CRISPLD2: variants seen among roughly 807,000 people sequenced by gnomAD.
CRISPLD2 encodes the protein cysteine rich secretory protein LCCL domain containing 2.
CRISPLD2 carries 47 observed loss-of-function variants against 71.1 expected under a neutral mutation model. That is an observed-to-expected ratio of 0.66 (90% CI 0.52 to 0.84). The LOEUF (loss-of-function observed/expected upper bound fraction) is 0.84, where lower values mean the gene tolerates loss of function less well. Among genes scored for constraint, CRISPLD2 ranks in the 40% least tolerant of loss-of-function variants. CRISPLD2 has a pLI of 0.00. For missense variants in CRISPLD2, 830 were observed against 651.1 expected (o/e 1.27, Z -2.99); for synonymous variants, 317 against 250.1 (o/e 1.27, Z -2.52).
chr16:84,855,420 A>AG (rs2143233374), intron 6 of CRISPLD2, among the ~76,000 whole-genome samples: 1 of 152,332 alleles, frequency 6.6e-6, no homozygotes, highest in East Asian at 1.9e-4. Flanking sequence ...CCGATGTTTG[A>AG]GGGCAGGAAG....
chr16:84,863,957 CAAAAAAAA>C (rs781013604), intron 6 of CRISPLD2, among the ~76,000 whole-genome samples: 1 of 80,830 alleles, frequency 1.2e-5, no homozygotes, highest in Non-Finnish European at 2.6e-5. Flanking sequence ...AACTTCCTCT[CAAAAAAAA>C]AAAAAAAAAA....
chr16:84,883,601 C>T (rs1169058250), intron 13 of CRISPLD2, among the ~76,000 whole-genome samples: 2 of 152,238 alleles, frequency 1.3e-5, no homozygotes, highest in Non-Finnish European at 2.9e-5. Context: ...AGGCCTCACC[C>T]TCAGCATTCA....
In CRISPLD2 at chr16:84,880,488, TA is replaced by T; in HGVS notation, c.1230-18del. The T allele has an allele frequency of 6.2e-7, 1 of 1,606,858 alleles. No individual in the cohort carries two copies. The highest frequency in any genetic ancestry group is 8.5e-7 in the Non-Finnish European group (1 of 1,175,064). ...GTTTTCTGTGCTCAGACCCATCACATAAATGCTTCCTGTTTTTCAGAATCCA... is the reference window on the plus strand; with the variant it reads ...GTTTTCTGTGCTCAGACCCATCACATAATGCTTCCTGTTTTTCAGAATCCA... On this transcript the variant is annotated intron_variant, in intron 12 of 14. Coordinates refer to ENST00000262424, the MANE Select transcript of CRISPLD2 (RefSeq NM_031476.4).
In CRISPLD2 at chr16:84,904,620, A is replaced by T. The variant is rs565238721; in HGVS notation, c.1440-1968A>T. Among the ~76,000 whole-genome samples the T allele has an allele frequency of 2.4e-3, 332 of 135,648 alleles. 1 individual carries two copies. The highest frequency in any genetic ancestry group is 3.9e-3 in the Non-Finnish European group (233 of 59,120). The allele number at this position is 135,648 out of a possible 152,430, so 89.0% of individuals were successfully genotyped here. A position where few individuals can be genotyped will look rare whatever the true frequency, so the allele number is the denominator to read the frequency against. The stretch of plus-strand genomic sequence containing the variant: ...AAAAAAAAAATTTAAAAAAAAAATT[A>T]AAAAAAAAAATGATTGGAAGTCCAT... On this transcript the variant is annotated intron_variant, in intron 14 of 14. Coordinates refer to ENST00000262424, the MANE Select transcript of CRISPLD2 (RefSeq NM_031476.4).
chr16:84,893,945 A>T (rs1248195972), intron 14 of CRISPLD2, among the ~76,000 whole-genome samples: 1 of 152,232 alleles, frequency 6.6e-6, no homozygotes. Flanking sequence ...GGAGACGTAG[A>T]TGTTGTATAT....
At chr16:84,887,740 G>C (rs142835367) in intron 13 of CRISPLD2, among the ~76,000 whole-genome samples, 1,576 of 152,298 alleles carry the variant, frequency 0.01, 12 homozygotes, top group Middle Eastern at 0.02. Context: ...GCCAGACGTG[G>C]TGGTGCGTGC....
At chr16:84,883,497 C>T (rs2071585835) in intron 13 of CRISPLD2, among the ~76,000 whole-genome samples, 1 of 152,208 alleles carries the variant, frequency 6.6e-6, no homozygotes. Context: ...GTCTTCTGTC[C>T]TCCCCATCCC....
chr16:84,866,900 A>G lies in CRISPLD2; in HGVS notation c.713A>G (p.Glu238Gly). The G allele has an allele frequency of 6.2e-7, 1 of 1,613,646 alleles. No individual in the cohort carries two copies. The highest frequency in any genetic ancestry group is 8.5e-7 in the Non-Finnish European group (1 of 1,179,684). The change falls in exon 7 of 15, where the codon GAA becomes GGA. Residue 238 changes from glutamate to glycine, a missense_variant. Coordinates refer to ENST00000262424, the MANE Select transcript of CRISPLD2 (RefSeq NM_031476.4). ...TTCCTCCCTCTCCAATGTTAAGAAG[A>G]AACCTACACTCCAAAACCTGAAACG... is the stretch of plus-strand genomic sequence containing the variant. Reference protein sequence around the residue: ...SCRNNLCYREETYTPKPETDE... With the variant: ...SCRNNLCYREGTYTPKPETDE...
rs994208426 is a variant in CRISPLD2 at position 84,851,623 on chromosome 16, G to A, written c.608+940G>A. On this transcript the variant is annotated intron_variant, in intron 5 of 14. Coordinates refer to ENST00000262424, the MANE Select transcript of CRISPLD2 (RefSeq NM_031476.4). ...TCTGGTGTGCCTGCGGTGGCGTGGCGCGGCTCAGCAGCCCACATGGATGAG... is the reference window on the plus strand; with the variant it reads ...TCTGGTGTGCCTGCGGTGGCGTGGCACGGCTCAGCAGCCCACATGGATGAG... 7.2e-5 allele frequency among the ~76,000 whole-genome samples: 11 copies of A among 152,202 alleles called. No individual in the cohort carries two copies. In the East Asian group the frequency reaches 1.7e-3, roughly 24 times the overall value.
At chr16:84,888,376 A>G (rs1440233634) in intron 13 of CRISPLD2, among the ~76,000 whole-genome samples, 4 of 152,190 alleles carry the variant, frequency 2.6e-5, no homozygotes, top group Non-Finnish European at 5.9e-5. Context: ...CCTACAAATA[A>G]TTTTTAAAAA....
chr16:84,849,454 G>T lies in CRISPLD2; in HGVS notation c.429G>T (p.Pro143=). The T allele has an allele frequency of 6.2e-7, 1 of 1,614,152 alleles. No homozygotes were observed. The highest frequency in any genetic ancestry group is 1.7e-5 in the Admixed American group (1 of 60,024). The change falls in exon 4 of 15, where the codon CCG becomes CCT. Residue 143 remains proline, a synonymous_variant. Transcript: ENST00000262424. The part of the protein sequence containing the change: ...DEVKDYTYPY[P]SECNPWCPER... The stretch of plus-strand genomic sequence containing the variant: ...TGAAGGACTACACCTACCCCTACCC[G>T]AGCGAGTGCAACCCCTGGTGTCCAG...
chr16:84,886,819 C>CA (rs1438243846), intron 13 of CRISPLD2, among the ~76,000 whole-genome samples: 5 of 152,118 alleles, frequency 3.3e-5, no homozygotes, highest in South Asian at 2.1e-4. Flanking sequence ...TGTCCCCCGA[C>CA]AAAAAAATAC....
At chr16:84,842,476 C>A (rs1175247277) in intron 2 of CRISPLD2, among the ~76,000 whole-genome samples, 1 of 150,932 alleles carries the variant, frequency 6.6e-6, no homozygotes, top group South Asian at 2.1e-4. Flanking sequence ...CCGGTTCAAG[C>A]GACTCTCCTG....
intron 1 of CRISPLD2, among the ~76,000 whole-genome samples, chr16:84,826,810 G>A (rs1321328371): frequency 6.6e-6 from 1 of 151,802 alleles, no homozygotes; most frequent in East Asian, 1.9e-4. Context: ...CTGACACATC[G>A]CAGTTCACTT....
At chr16:84,851,094 C>A (rs546317032) in intron 5 of CRISPLD2, among the ~76,000 whole-genome samples, 1 of 152,228 alleles carries the variant, frequency 6.6e-6, no homozygotes, top group Admixed American at 6.5e-5. Context: ...CTGGGACCAA[C>A]TGAACAAAGT....
intron 13 of CRISPLD2, among the ~76,000 whole-genome samples, chr16:84,882,347 C>CAAAAAAAAAA (rs80146835): frequency 4.8e-4 from 37 of 77,450 alleles, no homozygotes; most frequent in Non-Finnish European, 5.9e-4. Flanking sequence ...ACCAATAAAG[C>CAAAAAAAAAA]AAAAAAAAAA....
intron 6 of CRISPLD2, among the ~76,000 whole-genome samples, chr16:84,857,362 A>G (rs1371528823): frequency 1.3e-5 from 2 of 152,200 alleles, no homozygotes; most frequent in Admixed American, 6.5e-5. Context: ...GAGCATTGAC[A>G]TGGGATACAA....
chr16:84,882,946 C>G (rs564040114), intron 13 of CRISPLD2, among the ~76,000 whole-genome samples: 1 of 152,148 alleles, frequency 6.6e-6, no homozygotes, highest in African/African-American at 2.4e-5. Context: ...CATAGCTACA[C>G]TGATATGAAC....
intron 13 of CRISPLD2, among the ~76,000 whole-genome samples, chr16:84,881,311 T>A (rs2071566769): frequency 6.6e-6 from 1 of 152,258 alleles, no homozygotes; most frequent in African/African-American, 2.4e-5. Context: ...CACCCTAATT[T>A]ACTGCTTGTT....
Sources: gnomAD v4.1 joint callset for allele counts (sites outside exome capture counted in the v4.1 genomes callset) on GRCh38, gnomAD v4.1.1 for gene constraint, MANE v1.5 for transcripts, NCBI Gene and HGNC (gene_info 2026-07-23, HGNC 2026-07-21) for gene names.